Variants in MYBPC1 observed in about 807,000 individuals in gnomAD.
MYBPC1 encodes myosin-binding protein C, slow-type.
MYBPC1 carries 52 observed loss-of-function variants against 147.1 expected under a neutral mutation model. The observed-to-expected ratio is 0.35, with a 90% CI of 0.28 to 0.45. MYBPC1 has a LOEUF of 0.45. Ranked by LOEUF, MYBPC1 falls within the 20% of genes least tolerant of loss-of-function variation. The probability of loss-of-function intolerance (pLI) is 1.00; values close to 1 mark genes in which losing one functional copy is unlikely to be tolerated. For missense variants in MYBPC1, 1,228 were observed against 1,440.3 expected (o/e 0.85, Z 2.39); for synonymous variants, 477 against 475.9 (o/e 1.00, Z -0.03).
At position 101,679,148 on chromosome 12, in the gene MYBPC1, CAA is replaced by C. The variant is rs61500343; in HGVS notation, c.3246+925_3246+926del. On this transcript the variant is annotated intron_variant, in intron 28 of 31. Coordinates refer to ENST00000361466, the MANE Select transcript of MYBPC1 (RefSeq NM_002465.4). ...TGGGTAACAGAAGAAGACTCCGTCT[CAA>C]AAAAAAAAAAAAAAGGAAAATCAAA... Among the ~76,000 whole-genome samples, 272 of 105,934 alleles carry C rather than the reference CAA, an allele frequency of 2.6e-3. 1 individual carries two copies. Among genetic ancestry groups the C allele is most frequent in the African/African-American group, 5.7e-3 (170 of 29,888 alleles). The allele number at this position is 105,934 out of a possible 152,430, so 69.5% of individuals were successfully genotyped here. A position where few individuals can be genotyped will look rare whatever the true frequency, so the allele number is the denominator to read the frequency against.
the MYBPC1 span, among the ~76,000 whole-genome samples, chr12:101,694,988 T>C: frequency 6.6e-6 from 1 of 152,220 alleles, no homozygotes; most frequent in African/African-American, 2.4e-5. Context: ...TCTCCTAGGA[T>C]ACATGTGCAA....
At chr12:101,677,470 T>A in intron 27 of MYBPC1, 76 bp downstream of exon 27, 3 of 1,554,136 alleles carry the variant, frequency 1.9e-6, no homozygotes, top group Non-Finnish European at 2.6e-6. Context: ...AAAAGAGATG[T>A]GGTGAAAGGG....
downstream of MYBPC1, among the ~76,000 whole-genome samples, chr12:101,687,590 A>G (rs1468061665): frequency 6.6e-6 from 1 of 152,216 alleles, no homozygotes; most frequent in Non-Finnish European, 1.5e-5. Flanking sequence ...ATTTTAACAT[A>G]AAGGAAGTCT....
chr12:101,646,057 A>T (rs1400239501), intron 12 of MYBPC1, among the ~76,000 whole-genome samples: 1 of 152,218 alleles, frequency 6.6e-6, no homozygotes, highest in Non-Finnish European at 1.5e-5. Flanking sequence ...GATAAGATCA[A>T]GTCTCTACCC....
chr12:101,671,341 A>G (rs941365409), intron 24 of MYBPC1, among the ~76,000 whole-genome samples: 4 of 151,806 alleles, frequency 2.6e-5, no homozygotes, highest in Non-Finnish European at 5.9e-5. Flanking sequence ...ACACACACTC[A>G]CACACACACA....
intron 5 of MYBPC1, 45 bp downstream of exon 5, chr12:101,627,849 A>T: frequency 6.4e-7 from 1 of 1,572,270 alleles, no homozygotes; most frequent in Non-Finnish European, 8.8e-7. Flanking sequence ...ATCCTAATAC[A>T]ATCACTAATG....
intron 1 of MYBPC1, among the ~76,000 whole-genome samples, chr12:101,597,726 C>T (rs915456043): frequency 2.6e-5 from 4 of 152,188 alleles, no homozygotes; most frequent in African/African-American, 9.7e-5. Context: ...GTTCTACTTT[C>T]TACCATCATC....
rs1166293190 is a variant in MYBPC1, at chr12:101,626,920, A to T, written c.142+10A>T. On this transcript the variant is annotated intron_variant, in intron 4 of 31. Transcript: ENST00000361466. ...AGCGCCTTGCCTCCAGGTTGGGATA[A>T]TTTCTACCCTTTTCCCTGCTTTTAA... 1 of 1,605,624 alleles carries T rather than the reference A, an allele frequency of 6.2e-7. No homozygotes were observed. The highest frequency in any genetic ancestry group is 1.1e-5 in the South Asian group (1 of 90,920).
intron 1 of MYBPC1, among the ~76,000 whole-genome samples, chr12:101,600,705 A>G (rs1879555822): frequency 2.0e-5 from 3 of 152,196 alleles, no homozygotes; most frequent in African/African-American, 7.2e-5. Flanking sequence ...TATAATTAAT[A>G]ATGACTATTT....
rs372941811 is a variant in MYBPC1 at position 101,666,845 on chromosome 12, T to C, written c.2357-887T>C. 516 of 1,539,292 alleles carry C rather than the reference T, an allele frequency of 3.4e-4. 1 individual carries two copies. Among genetic ancestry groups the C allele is most frequent in the Middle Eastern group, 1.3e-3 (8 of 5,930 alleles). On this transcript the variant is annotated intron_variant, in intron 22 of 31. Transcript: ENST00000361466. ...CAAATTTTCTTACTATATTATAATGTTTCTGGGAATATTGAATGACCAAGC... is the reference window on the plus strand; with the variant it reads ...CAAATTTTCTTACTATATTATAATGCTTCTGGGAATATTGAATGACCAAGC...
intron 1 of MYBPC1, among the ~76,000 whole-genome samples, chr12:101,601,085 G>C (rs1409407217): frequency 1.3e-5 from 2 of 152,178 alleles, no homozygotes; most frequent in Non-Finnish European, 2.9e-5. Context: ...TCATGAAGTA[G>C]CTACTGTTTA....
intron 29 of MYBPC1, among the ~76,000 whole-genome samples, chr12:101,682,001 A>G (rs1026102168): frequency 2.0e-5 from 3 of 152,152 alleles, no homozygotes; most frequent in African/African-American, 7.2e-5. Context: ...TTTCCTCACA[A>G]ATATAAGGCA....
rs145707618 is a variant in MYBPC1, at chr12:101,661,373, A to G, written c.2032+111A>G. 5.0e-3 allele frequency: 3,617 copies of G among 724,984 alleles called. 29 individuals carry two copies. The highest frequency in any genetic ancestry group is 0.013 in the South Asian group (870 of 66,528). The allele number at this position is 724,984 out of a possible 1,614,324, so 44.9% of individuals were successfully genotyped here. A position where few individuals can be genotyped will look rare whatever the true frequency, so the allele number is the denominator to read the frequency against. On this transcript the variant is annotated intron_variant, in intron 20 of 31. Coordinates refer to ENST00000361466, the MANE Select transcript of MYBPC1 (RefSeq NM_002465.4). Reference sequence around the variant, plus strand: ...TTGCATTTAGAAGAAAACCTATTTTACTGTGACTTTATGCATTCAAAATGA... The same window carrying G: ...TTGCATTTAGAAGAAAACCTATTTTGCTGTGACTTTATGCATTCAAAATGA...
intron 3 of MYBPC1, among the ~76,000 whole-genome samples, chr12:101,618,217 C>T (rs1034347106): frequency 2.6e-5 from 4 of 151,870 alleles, no homozygotes; most frequent in Non-Finnish European, 5.9e-5. Flanking sequence ...ATACTTTTTT[C>T]TTTCTTTCAG....
rs531212453 is a variant in MYBPC1 at position 101,675,165 on chromosome 12, T to A, written c.2810-127T>A. 5.4e-6 allele frequency: 7 copies of A among 1,293,216 alleles called. No homozygotes were observed. In the African/African-American group the frequency reaches 8.8e-5, roughly 16 times the overall value. 80.1% of individuals were successfully genotyped at this position (1,293,216 alleles called of 1,614,324 possible). ...AGGCAAAGGGTCTCAGAAGCCCCCA[T>A]GGTAGGGTCTAGAAGAGTGATGCCT... is the stretch of plus-strand genomic sequence containing the variant. On this transcript the variant is annotated intron_variant, in intron 25 of 31. Transcript: ENST00000361466.
At chr12:101,650,606 C>T (rs565609908) in intron 15 of MYBPC1, among the ~76,000 whole-genome samples, 11 of 152,250 alleles carry the variant, frequency 7.2e-5, no homozygotes, top group East Asian at 5.8e-4. Flanking sequence ...CCTCCCACCA[C>T]GTCCCTCCCA....
At chr12:101,643,808 T>G (rs954035162) in intron 11 of MYBPC1, among the ~76,000 whole-genome samples, 1 of 152,182 alleles carries the variant, frequency 6.6e-6, no homozygotes, top group African/African-American at 2.4e-5. Context: ...TAAACGTATG[T>G]GCAAGGGGTG....
intron 30 of MYBPC1, among the ~76,000 whole-genome samples, chr12:101,683,687 A>G (rs911441471): frequency 1.3e-5 from 2 of 152,202 alleles, no homozygotes; most frequent in African/African-American, 4.8e-5. Context: ...AGTTTTTTGC[A>G]GCTGGGTATG....
At chr12:101,623,065 G>T (rs375392380) in intron 3 of MYBPC1, among the ~76,000 whole-genome samples, 8 of 152,176 alleles carry the variant, frequency 5.3e-5, no homozygotes, top group South Asian at 2.1e-4. Flanking sequence ...GCCAGGTGCT[G>T]TGCCTCCTCA....
Sources: gnomAD v4.1 joint callset for allele counts (sites outside exome capture counted in the v4.1 genomes callset) on GRCh38, gnomAD v4.1.1 for gene constraint, MANE v1.5 for transcripts, NCBI Gene and HGNC (gene_info 2026-07-23, HGNC 2026-07-21) for gene names.